The following TMEM132B variants were observed in gnomAD, a reference collection of about 807,000 sequenced individuals.
TMEM132B encodes transmembrane protein 132B.
A neutral mutation model predicts 90.8 loss-of-function variants in TMEM132B; 18 were observed. The ratio of observed to expected loss-of-function variants is 0.20; its 90% CI spans 0.14 to 0.29. The LOEUF is 0.29. TMEM132B is among the 10% of genes least tolerant of loss of function. TMEM132B has a pLI of 1.00. For synonymous variants in TMEM132B, 504 were observed against 523.3 expected, an observed-to-expected ratio of 0.96 and a Z score of 0.50; for missense variants, 1,096 against 1,326.8, an observed-to-expected ratio of 0.83 and a Z score of 2.70.
chr12:125,458,933 C>T lies in TMEM132B; in HGVS notation c.1106+43256C>T, dbSNP rs1881366416. ...GGCAGTGTGGAATCATGAATGTTAT[C>T]TGCCCTGTCCAAGTCCATCAGGGAG... On this transcript the variant is annotated intron_variant, in intron 3 of 8. Transcript: ENST00000682704. This position sits in a 1 kb window ranked among gnomAD's most constrained non-coding sequence, Gnocchi z 4.9. 6.6e-6 allele frequency among the ~76,000 whole-genome samples: 1 copy of T among 152,226 alleles called. No individual in the cohort carries two copies. Among genetic ancestry groups the T allele is most frequent in the South Asian group, 2.1e-4 (1 of 4,826 alleles).
chr12:125,567,786 T>C (rs1566076320), intron 4 of TMEM132B, among the ~76,000 whole-genome samples: 1 of 144,904 alleles, frequency 6.9e-6, no homozygotes, highest in Non-Finnish European at 1.5e-5. Flanking sequence ...ATGAGAAGAC[T>C]TTTTTTTTTC....
At chr12:125,630,832 C>T (rs1343682433) in intron 5 of TMEM132B, among the ~76,000 whole-genome samples, 3 of 152,068 alleles carry the variant, frequency 2.0e-5, no homozygotes, top group Admixed American at 2.0e-4. Context: ...TAAGTGAGAA[C>T]ATGTGGTATT....
chr12:125,360,479 G>A (rs1332494588), intron 2 of TMEM132B, among the ~76,000 whole-genome samples: 2 of 152,168 alleles, frequency 1.3e-5, no homozygotes, highest in African/African-American at 4.8e-5. Context: ...AGGTGAACTG[G>A]TAGCAATTAG....
chr12:125,647,009 ATATAACT>A (rs1886780675), intron 6 of TMEM132B, among the ~76,000 whole-genome samples: 1 of 152,240 alleles, frequency 6.6e-6, no homozygotes, highest in Non-Finnish European at 1.5e-5. Context: ...CAGCAAGGAA[ATATAACT>A]TATAAAAAAG....
At chr12:125,287,542 C>G (rs982037715) in intron 1 of TMEM132B, among the ~76,000 whole-genome samples, 5 of 152,202 alleles carry the variant, frequency 3.3e-5, no homozygotes, top group African/African-American at 4.8e-5. Flanking sequence ...CCTTAATCTC[C>G]CTGCCCAAAT....
At chr12:125,302,554 C>T (rs1419144179) in intron 1 of TMEM132B, among the ~76,000 whole-genome samples, 1 of 152,118 alleles carries the variant, frequency 6.6e-6, no homozygotes, top group African/African-American at 2.4e-5. Flanking sequence ...CTATAACTGG[C>T]AGAGCTGGAT....
chr12:125,193,535 TGAA>T (rs2136050785), intron 1 of TMEM132B, among the ~76,000 whole-genome samples: 1 of 152,338 alleles, frequency 6.6e-6, no homozygotes, highest in African/African-American at 2.4e-5. Flanking sequence ...GGCGATATGA[TGAA>T]GAGTGACTGT....
At chr12:125,237,947 T>A (rs967195693) in intron 1 of TMEM132B, among the ~76,000 whole-genome samples, 18 of 152,258 alleles carry the variant, frequency 1.2e-4, no homozygotes, top group African/African-American at 4.1e-4. Flanking sequence ...AGAGGGGCCA[T>A]GACTTCAGGA....
intron 5 of TMEM132B, among the ~76,000 whole-genome samples, chr12:125,597,702 A>C (rs969656480): frequency 2.6e-5 from 4 of 152,004 alleles, no homozygotes; most frequent in African/African-American, 9.7e-5. Flanking sequence ...AGAGATGGAG[A>C]ATTCAGATTT....
chr12:125,189,814 G>C (rs987047003), intron 1 of TMEM132B, among the ~76,000 whole-genome samples: 7 of 152,156 alleles, frequency 4.6e-5, no homozygotes, highest in African/African-American at 1.7e-4. Context: ...AGTCTGGGGT[G>C]GGGGTGGTCT....
chr12:125,276,893 G>C (rs1007616679), intron 1 of TMEM132B, among the ~76,000 whole-genome samples: 1 of 152,210 alleles, frequency 6.6e-6, no homozygotes, highest in Non-Finnish European at 1.5e-5. Context: ...GAGAGGTGCA[G>C]CCCTTCCCGG....
intron 3 of TMEM132B, among the ~76,000 whole-genome samples, chr12:125,495,333 G>T (rs1882533455): frequency 7.2e-6 from 1 of 137,982 alleles, no homozygotes; most frequent in African/African-American, 2.8e-5. Context: ...CCCTGGAAAT[G>T]GCTGTGTCCC....
intron 1 of TMEM132B, among the ~76,000 whole-genome samples, chr12:125,287,950 C>A (rs925556669): frequency 1.3e-5 from 2 of 152,094 alleles, no homozygotes; most frequent in Non-Finnish European, 2.9e-5. Context: ...TCACTGCAAC[C>A]TCTGCCTCCC....
chr12:125,524,788 A>G (rs1883403760), intron 4 of TMEM132B, among the ~76,000 whole-genome samples: 1 of 152,150 alleles, frequency 6.6e-6, no homozygotes, highest in Admixed American at 6.5e-5. Flanking sequence ...GAAAAGGAGG[A>G]GGAAAGGAGG....
At chr12:125,438,782 G>A (rs2136423009) in intron 3 of TMEM132B, among the ~76,000 whole-genome samples, 1 of 152,012 alleles carries the variant, frequency 6.6e-6, no homozygotes, top group African/African-American at 2.4e-5. Flanking sequence ...CGTGTTTTTT[G>A]GTGTATTTTC....
chr12:125,378,423 A>G (rs1878560805), intron 2 of TMEM132B, among the ~76,000 whole-genome samples: 1 of 152,208 alleles, frequency 6.6e-6, no homozygotes, highest in Non-Finnish European at 1.5e-5. Context: ...CATAAGAAGA[A>G]TTTACAAGTA....
chr12:125,654,886 T>A lies in TMEM132B; in HGVS notation c.*176T>A, dbSNP rs1316542105. The A allele has an allele frequency of 4.1e-6, 3 of 725,180 alleles. No homozygotes were observed. The highest frequency in any genetic ancestry group is 6.5e-6 in the Non-Finnish European group (3 of 460,130). 44.9% of individuals were successfully genotyped at this position (725,180 alleles called of 1,614,324 possible). On this transcript the variant is annotated 3_prime_UTR_variant, in exon 9 of 9. Transcript: ENST00000682704. This position sits in a 1 kb window ranked among gnomAD's most constrained non-coding sequence, Gnocchi z 5.8. ...AGAGCTATAGAAGCTGGGTTTTAAG[T>A]TTGGAAATGCCTCTAAAACAGCCAC...
chr12:125,220,665 G>C (rs1873536630), intron 1 of TMEM132B, among the ~76,000 whole-genome samples: 1 of 152,178 alleles, frequency 6.6e-6, no homozygotes, highest in Admixed American at 6.5e-5. Context: ...TCTGTGGTCA[G>C]GCAGTCAATC....
At chr12:125,342,888 A>G (rs1195352733) in intron 1 of TMEM132B, among the ~76,000 whole-genome samples, 1 of 152,056 alleles carries the variant, frequency 6.6e-6, no homozygotes, top group East Asian at 1.9e-4. Context: ...GATGTGTTTT[A>G]TGTAGTTGAG....
Sources: gnomAD v4.1 joint callset for allele counts (sites outside exome capture counted in the v4.1 genomes callset) on GRCh38, gnomAD v4.1.1 for gene constraint, Gnocchi (gnomAD v3.1) non-coding constraint, MANE v1.5 for transcripts, NCBI Gene and HGNC (gene_info 2026-07-23, HGNC 2026-07-21) for gene names.